SAMSN1: variants seen among roughly 807,000 people sequenced by gnomAD.
SAMSN1 encodes the protein SAM domain, SH3 domain and nuclear localization signals 1, also known as SAM domain-containing protein SAMSN-1.
SAMSN1 carries 31 observed loss-of-function variants against 42.0 expected under a neutral mutation model. The ratio of observed to expected loss-of-function variants is 0.74; its 90% CI spans 0.55 to 1.00. The LOEUF is 1.00. Among genes scored for constraint, SAMSN1 ranks in the 50% least tolerant of loss-of-function variants. SAMSN1 has a pLI of 0.00. For missense variants in SAMSN1, 464 were observed against 439.4 expected (o/e 1.06, Z -0.50); for synonymous variants, 178 against 151.9 (o/e 1.17, Z -1.26).
At chr21:14,625,963 GAAATAAT>G (rs1330333176) in intron 2 of SAMSN1, among the ~76,000 whole-genome samples, 2 of 152,160 alleles carry the variant, frequency 1.3e-5, no homozygotes, top group African/African-American at 4.8e-5. Context: ...TGAGACCTCT[GAAATAAT>G]AACACACATC....
chr21:14,613,582 A>C (rs559952181), intron 3 of SAMSN1, among the ~76,000 whole-genome samples: 5 of 152,202 alleles, frequency 3.3e-5, no homozygotes, highest in Non-Finnish European at 7.4e-5. Context: ...GTGAGCAAAA[A>C]CATGCATAGA....
chr21:14,634,498 T>C (rs181110207), intron 2 of SAMSN1, among the ~76,000 whole-genome samples: 7 of 151,948 alleles, frequency 4.6e-5, no homozygotes, highest in Non-Finnish European at 1.0e-4. Context: ...CATCAAAAAG[T>C]AGGCAAAGGA....
intron 2 of SAMSN1, among the ~76,000 whole-genome samples, chr21:14,637,185 T>A (rs1453402067): frequency 2.0e-5 from 3 of 152,228 alleles, no homozygotes; most frequent in Non-Finnish European, 4.4e-5. Flanking sequence ...ATTTTAATTT[T>A]AATTTAAAAC....
chr21:14,519,071 GC>G (rs1988041773), intron 2 of SAMSN1, among the ~76,000 whole-genome samples: 1 of 152,046 alleles, frequency 6.6e-6, no homozygotes, highest in South Asian at 2.1e-4. Context: ...ATTTTTCTAT[GC>G]CTTTCTCCAT....
At chr21:14,495,886 T>C (rs749447671) in intron 7 of SAMSN1, 31 of 151,022 alleles carry the variant, frequency 2.1e-4, no homozygotes, top group Non-Finnish European at 3.7e-4. Context: ...GCATCAGGTG[T>C]TTCTTTTCTT....
chr21:14,572,063 T>C (rs1981318949), intron 2 of SAMSN1, among the ~76,000 whole-genome samples: 2 of 152,218 alleles, frequency 1.3e-5, no homozygotes, highest in South Asian at 4.1e-4. Flanking sequence ...TTTGTCACCA[T>C]TGTGGCCACA....
intron 2 of SAMSN1, among the ~76,000 whole-genome samples, chr21:14,577,577 G>T (rs557508049): frequency 6.6e-6 from 1 of 151,908 alleles, no homozygotes; most frequent in South Asian, 2.1e-4. Flanking sequence ...TCCCTACCAA[G>T]CCTATGGCTC....
Position 14,564,749 on chromosome 21 carries a change from G to A in SAMSN1, c.261+17387C>T, listed in dbSNP as rs370518115. On this transcript the variant is annotated intron_variant, in intron 2 of 8. Transcript: ENST00000285670. The stretch of plus-strand genomic sequence containing the variant: ...TTTCTTTCAATTCATTTTCCACTTT[G>A]TAATTCCTTTCCAAGTGCTCACTAT... 5.9e-5 allele frequency among the ~76,000 whole-genome samples: 9 copies of A among 152,144 alleles called. No homozygotes were observed. The East Asian group carries it at 1.2e-3, about 20-fold the overall frequency.
intron 5 of SAMSN1, among the ~76,000 whole-genome samples, chr21:14,608,417 G>A (rs1416446326): frequency 6.6e-6 from 1 of 152,196 alleles, no homozygotes; most frequent in Non-Finnish European, 1.5e-5. Context: ...GGAGCATATA[G>A]ACTTGCCCCC....
At chr21:14,564,495 CA>C (rs1276050612) in intron 2 of SAMSN1, among the ~76,000 whole-genome samples, 1 of 152,142 alleles carries the variant, frequency 6.6e-6, no homozygotes, top group Non-Finnish European at 1.5e-5. Context: ...CACCTAAAGA[CA>C]AAAAGCTAAC....
intron 3 of SAMSN1, among the ~76,000 whole-genome samples, chr21:14,513,428 T>G (rs1556279): frequency 0.32 from 49,098 of 151,970 alleles, 8,162 homozygotes; most frequent in Non-Finnish European, 0.35. Context: ...GCAGTGTTCT[T>G]GGAACTGGGG....
intron 2 of SAMSN1, among the ~76,000 whole-genome samples, chr21:14,635,486 G>A (rs1423381638): frequency 6.6e-6 from 1 of 152,160 alleles, no homozygotes; most frequent in Admixed American, 6.5e-5. Context: ...ACTATACCTA[G>A]GTGTCTGAGG....
intron 2 of SAMSN1, among the ~76,000 whole-genome samples, chr21:14,633,176 G>GCGCT (rs1030480049): frequency 5.4e-5 from 8 of 147,884 alleles, no homozygotes; most frequent in Admixed American, 4.7e-4. Flanking sequence ...TCTAGATGTT[G>GCGCT]CTCTCTCTCT....
At chr21:14,551,830 T>C (rs191523614) in intron 2 of SAMSN1, among the ~76,000 whole-genome samples, 110 of 152,220 alleles carry the variant, frequency 7.2e-4, no homozygotes, top group African/African-American at 2.6e-3. Flanking sequence ...TGGGGTTTGG[T>C]AACGTGTCTA....
At chr21:14,658,619 G>A in intron 1 of SAMSN1, 1 of 617,980 alleles carries the variant, frequency 1.6e-6, no homozygotes, top group East Asian at 2.8e-5. Flanking sequence ...TCTTTGTGAT[G>A]TGAACTTTCT....
intron 1 of SAMSN1, among the ~76,000 whole-genome samples, chr21:14,534,070 A>T (rs1424751717): frequency 6.6e-6 from 1 of 152,138 alleles, no homozygotes; most frequent in African/African-American, 2.4e-5. Context: ...ACAATGTGTG[A>T]TTATTTTGAT....
intron 2 of SAMSN1, among the ~76,000 whole-genome samples, chr21:14,555,212 A>AGAT (rs996370405): frequency 6.6e-6 from 1 of 152,146 alleles, no homozygotes; most frequent in Non-Finnish European, 1.5e-5. Context: ...ACAACTTCTG[A>AGAT]GATTGCAACG....
At chr21:14,535,198 C>A (rs74763913) in intron 1 of SAMSN1, among the ~76,000 whole-genome samples, 3,473 of 152,220 alleles carry the variant, frequency 0.023, 74 homozygotes, top group Non-Finnish European at 0.028. Context: ...CAAAAGTAAT[C>A]ATGATTTTTG....
At chr21:14,544,100 A>T (rs1336163300) in intron 1 of SAMSN1, among the ~76,000 whole-genome samples, 2 of 152,172 alleles carry the variant, frequency 1.3e-5, no homozygotes, top group Non-Finnish European at 2.9e-5. Flanking sequence ...CCCAGGCTGG[A>T]GTGCAGTGGC....
Sources: gnomAD v4.1 joint callset for allele counts (sites outside exome capture counted in the v4.1 genomes callset) on GRCh38, gnomAD v4.1.1 for gene constraint, MANE v1.5 for transcripts, NCBI Gene and HGNC (gene_info 2026-07-23, HGNC 2026-07-21) for gene names.